TMEM178B: variants seen among roughly 807,000 people sequenced by gnomAD.
The protein encoded by TMEM178B is transmembrane protein 178B.
In TMEM178B, 5 loss-of-function variants were observed where a neutral mutation model predicts 31.0. That is an observed-to-expected ratio of 0.16 (90% CI 0.08 to 0.34). TMEM178B has a LOEUF of 0.34. Ranked by LOEUF, TMEM178B falls within the 10% of genes least tolerant of loss-of-function variation. The pLI, the probability that TMEM178B is intolerant of heterozygous loss-of-function variation, is 1.00. For synonymous variants in TMEM178B, 164 were observed against 164.0 expected, an observed-to-expected ratio of 1.00 and a Z score of 0.00; for missense variants, 275 against 400.3, an observed-to-expected ratio of 0.69 and a Z score of 2.67.
intron 2 of TMEM178B, among the ~76,000 whole-genome samples, chr7:141,262,768 C>T (rs1228244846): frequency 6.6e-6 from 1 of 152,088 alleles, no homozygotes; most frequent in Admixed American, 6.5e-5. Flanking sequence ...GTGACTGATA[C>T]AGCCCTGAAA....
intron 2 of TMEM178B, among the ~76,000 whole-genome samples, chr7:141,328,330 A>G (rs1267761277): frequency 6.6e-6 from 1 of 152,214 alleles, no homozygotes; most frequent in East Asian, 1.9e-4. Flanking sequence ...GAACTGTGAG[A>G]CACAGTATCT....
intron 1 of TMEM178B, among the ~76,000 whole-genome samples, chr7:141,164,077 T>C (rs1278234623): frequency 6.6e-6 from 1 of 152,182 alleles, no homozygotes; most frequent in African/African-American, 2.4e-5. Context: ...TGAAACCTTA[T>C]TTTTTTCTGA....
chr7:141,472,280 G>A lies in TMEM178B; in HGVS notation c.*1494G>A, dbSNP rs1802258770. 6.6e-6 allele frequency: 1 copy of A among 152,094 alleles called. No homozygotes were observed. The highest frequency in any genetic ancestry group is 2.1e-4 in the South Asian group (1 of 4,808). 9.4% of individuals were successfully genotyped at this position (152,094 alleles called of 1,614,324 possible). On this transcript the variant is annotated 3_prime_UTR_variant, in exon 4 of 4. Coordinates refer to ENST00000565468, the MANE Select transcript of TMEM178B (RefSeq NM_001195278.2). ...TTGTGTAAATTAATGCAGAACTCTT[G>A]ACTCTTTCCATCCTCTTCCTTTCCC...
intron 2 of TMEM178B, among the ~76,000 whole-genome samples, chr7:141,280,490 T>C (rs898123395): frequency 6.6e-6 from 1 of 152,196 alleles, no homozygotes. Flanking sequence ...TTGGTTCTCA[T>C]TCTATCTTGC....
At chr7:141,241,143 GT>G (rs11285590) in intron 2 of TMEM178B, among the ~76,000 whole-genome samples, 127,384 of 149,332 alleles carry the variant, frequency 0.85, 54,493 homozygotes, top group East Asian at 0.99. Flanking sequence ...CTAATGTGTA[GT>G]TTTTTTTTTT....
chr7:141,461,758 T>G lies in TMEM178B; in HGVS notation c.635-8778T>G, dbSNP rs941485747. Among the ~76,000 whole-genome samples, 1 of 152,214 alleles carries G rather than the reference T, an allele frequency of 6.6e-6. No homozygotes were observed. Among genetic ancestry groups the G allele is most frequent in the Non-Finnish European group, 1.5e-5 (1 of 68,038 alleles). On this transcript the variant is annotated intron_variant, in intron 3 of 3. Transcript: ENST00000565468. This position sits in a 1 kb window ranked among gnomAD's most constrained non-coding sequence, Gnocchi z 4.0. ...AACAAGCACACAGGAAGCACTGCCT[T>G]GTCCACCTTATACACCTGCAATTAG... is the stretch of plus-strand genomic sequence containing the variant.
chr7:141,247,182 T>C (rs1797749293), intron 2 of TMEM178B, among the ~76,000 whole-genome samples: 1 of 140,734 alleles, frequency 7.1e-6, no homozygotes, highest in Admixed American at 7.2e-5. Flanking sequence ...CATAGATATC[T>C]CTCTATATAT....
intron 1 of TMEM178B, among the ~76,000 whole-genome samples, chr7:141,097,564 G>T (rs966481659): frequency 2.0e-5 from 3 of 151,854 alleles, no homozygotes; most frequent in Non-Finnish European, 4.4e-5. Context: ...TTCAAAAATT[G>T]AAGAGAATCA....
At chr7:141,102,337 T>G (rs577088393) in intron 1 of TMEM178B, among the ~76,000 whole-genome samples, 1 of 152,336 alleles carries the variant, frequency 6.6e-6, no homozygotes, top group African/African-American at 2.4e-5. Context: ...TTCATAGGCT[T>G]TGACCTATAT....
chr7:141,140,760 G>T (rs901042142), intron 1 of TMEM178B, among the ~76,000 whole-genome samples: 16 of 152,162 alleles, frequency 1.1e-4, no homozygotes, highest in African/African-American at 3.9e-4. Context: ...CTCCTCTACT[G>T]GAACTTGTCT....
At chr7:141,108,244 G>C (rs1364264528) in intron 1 of TMEM178B, among the ~76,000 whole-genome samples, 1 of 152,132 alleles carries the variant, frequency 6.6e-6, no homozygotes, top group Non-Finnish European at 1.5e-5. Flanking sequence ...TTTGGGAGAA[G>C]GATTTTCAGA....
intron 3 of TMEM178B, among the ~76,000 whole-genome samples, chr7:141,466,647 C>T (rs554069979): frequency 2.6e-5 from 4 of 152,080 alleles, no homozygotes; most frequent in Non-Finnish European, 5.9e-5. Flanking sequence ...CCTTGGGTGA[C>T]CTCAATCCCA....
chr7:141,110,915 G>A (rs891297605), intron 1 of TMEM178B, among the ~76,000 whole-genome samples: 5 of 152,170 alleles, frequency 3.3e-5, no homozygotes, highest in African/African-American at 1.2e-4. Flanking sequence ...AACACACGGT[G>A]AGAAGGAAGC....
rs71915733 is a variant in TMEM178B at position 141,160,055 on chromosome 7, A to AAT, written c.383-52524_383-52523dup. Among the ~76,000 whole-genome samples the AAT allele has an allele frequency of 3.4e-5, 5 of 147,190 alleles. No individual in the cohort carries two copies. In the East Asian group the frequency reaches 5.9e-4, roughly 17 times the overall value. Reference sequence around the variant, plus strand: ...GATATGTAATATATAATCAATATATAATATATATATATAATTTCAATTGTT... The same window carrying AAT: ...GATATGTAATATATAATCAATATATAATATATATATATATAATTTCAATTGTT... On this transcript the variant is annotated intron_variant, in intron 1 of 3. Coordinates refer to ENST00000565468, the MANE Select transcript of TMEM178B (RefSeq NM_001195278.2).
At chr7:141,243,680 T>C (rs1797680487) in intron 2 of TMEM178B, among the ~76,000 whole-genome samples, 1 of 152,134 alleles carries the variant, frequency 6.6e-6, no homozygotes, top group Non-Finnish European at 1.5e-5. Context: ...TACTGGCCCA[T>C]GGGCCCAGAT....
intron 2 of TMEM178B, among the ~76,000 whole-genome samples, chr7:141,433,147 T>G (rs943508321): frequency 2.0e-5 from 3 of 152,116 alleles, no homozygotes; most frequent in Admixed American, 1.3e-4. Context: ...TCTCCAAACC[T>G]AAGGACTGTG....
chr7:141,230,804 T>C (rs1304615967), intron 2 of TMEM178B, among the ~76,000 whole-genome samples: 2 of 151,394 alleles, frequency 1.3e-5, no homozygotes, highest in East Asian at 3.9e-4. Flanking sequence ...ACCTGGCTAA[T>C]TTTTATTTTT....
At chr7:141,331,253 A>G (rs959683371) in intron 2 of TMEM178B, among the ~76,000 whole-genome samples, 3 of 152,226 alleles carry the variant, frequency 2.0e-5, no homozygotes, top group Admixed American at 2.0e-4. Flanking sequence ...GATAACACCA[A>G]GGGAGTAAAT....
At chr7:141,410,827 C>T (rs565048507) in intron 2 of TMEM178B, among the ~76,000 whole-genome samples, 1 of 152,308 alleles carries the variant, frequency 6.6e-6, no homozygotes, top group Admixed American at 6.5e-5. Context: ...CCCCCATGGG[C>T]ACTGGATTGT....
Sources: gnomAD v4.1 joint callset for allele counts (sites outside exome capture counted in the v4.1 genomes callset) on GRCh38, gnomAD v4.1.1 for gene constraint, Gnocchi (gnomAD v3.1) non-coding constraint, MANE v1.5 for transcripts, NCBI Gene and HGNC (gene_info 2026-07-23, HGNC 2026-07-21) for gene names.